Variants in DPP9 observed in about 807,000 individuals in gnomAD.
The protein encoded by DPP9 is dipeptidyl peptidase 9.
Under a neutral mutation model 110.7 loss-of-function variants are expected in DPP9, and 50 were observed. That is an observed-to-expected ratio of 0.45 (90% CI 0.36 to 0.57). The LOEUF (loss-of-function observed/expected upper bound fraction) is 0.57. Among genes scored for constraint, DPP9 ranks in the 20% least tolerant of loss-of-function variants. DPP9 has a pLI of 0.00. For synonymous variants in DPP9, 561 were observed against 514.4 expected (o/e 1.09, Z -1.23); for missense variants, 1,022 against 1,217.9 (o/e 0.84, Z 2.39).
Position 4,711,969 on chromosome 19 carries a change from G to A in DPP9, c.313+2112C>T, listed in dbSNP as rs568226778. Among the ~76,000 whole-genome samples the A allele has an allele frequency of 3.9e-5, 6 of 152,054 alleles. No individual in the cohort carries two copies. In the East Asian group the frequency reaches 7.8e-4, roughly 20 times the overall value. ...CTCCTCTGGAGCCTCCAGAGGGAGC[G>A]TGGCCCTGAGGAAACCTTGATCTTG... On this transcript the variant is annotated intron_variant, in intron 4 of 21. Transcript: ENST00000262960.
chr19:4,722,742 G>GC, intron 1 of DPP9, 191 bp from the exon 2 acceptor site: 1 of 579,898 alleles, frequency 1.7e-6, no homozygotes, highest in South Asian at 2.0e-5. Context: ...CATCCCACGG[G>GC]CCCCGATTCC....
Position 4,722,493 on chromosome 19 carries a change from A to G in DPP9, c.-36+6T>C, listed in dbSNP as rs1166792740. The stretch of plus-strand genomic sequence containing the variant: ...TTCCTGGCTGCCAAACCCCAGCACA[A>G]CTGACCTTCTAAAGGGTCCAGAGAG... On this transcript the variant is annotated splice_donor_region_variant and intron_variant, in intron 2 of 21. Transcript: ENST00000262960. 5 of 702,902 alleles carry G rather than the reference A, an allele frequency of 7.1e-6. No individual in the cohort carries two copies. The highest frequency in any genetic ancestry group is 3.5e-5 in the African/African-American group (2 of 57,242). The allele number at this position is 702,902 out of a possible 1,614,324, so 43.5% of individuals were successfully genotyped here.
chr19:4,702,332 T>A (rs2145720742), intron 8 of DPP9, among the ~76,000 whole-genome samples, 177 bp from the exon 9 acceptor site: 1 of 152,284 alleles, frequency 6.6e-6, no homozygotes, highest in South Asian at 2.1e-4. Flanking sequence ...TGGGCTTCAG[T>A]TTCCTCCCCT....
chr19:4,708,750 C>T (rs1329145482), intron 4 of DPP9, among the ~76,000 whole-genome samples: 1 of 152,100 alleles, frequency 6.6e-6, no homozygotes, highest in Non-Finnish European at 1.5e-5. Context: ...AACACATGGA[C>T]ACATAGAGCA....
intron 7 of DPP9, 21 bp from the exon 8 acceptor site, chr19:4,702,737 C>T (rs1171205088): frequency 3.4e-6 from 5 of 1,474,970 alleles, no homozygotes; most frequent in Non-Finnish European, 4.6e-6. Flanking sequence ...GGACGGAGAG[C>T]ATCAACAAGG....
chr19:4,721,592 C>T (rs1304773988), intron 2 of DPP9, among the ~76,000 whole-genome samples: 1 of 152,146 alleles, frequency 6.6e-6, no homozygotes, highest in African/African-American at 2.4e-5. Context: ...ACCAGCCTGG[C>T]CAACATGGTG....
rs1366297653 is a variant in DPP9 at position 4,718,947 on chromosome 19, T to C, written c.56+904A>G. Among the ~76,000 whole-genome samples the C allele has an allele frequency of 6.6e-6, 1 of 152,042 alleles. No individual in the cohort carries two copies. The highest frequency in any genetic ancestry group is 1.5e-5 in the Non-Finnish European group (1 of 68,014). On this transcript the variant is annotated intron_variant, in intron 3 of 21. Coordinates refer to ENST00000262960, the MANE Select transcript of DPP9 (RefSeq NM_139159.5). The surrounding 1 kb of genome is among the most constrained non-coding windows in gnomAD (Gnocchi z 4.3). ...TCATCTCGTGCCAGGCCCTGAGACATGGAGTTTACTGACTGCCCCGGGGGG... is the reference window on the plus strand; with the variant it reads ...TCATCTCGTGCCAGGCCCTGAGACACGGAGTTTACTGACTGCCCCGGGGGG...
At chr19:4,703,833 T>C in intron 7 of DPP9, 53 bp downstream of exon 7, 1 of 1,551,168 alleles carries the variant, frequency 6.4e-7, no homozygotes, top group Non-Finnish European at 8.7e-7. Context: ...GGGGCCTTTC[T>C]GGAAGCTGGC....
In DPP9 at chr19:4,718,842, T is replaced by C. The variant is rs1373783685; in HGVS notation, c.56+1009A>G. On this transcript the variant is annotated intron_variant, in intron 3 of 21. Coordinates refer to ENST00000262960, the MANE Select transcript of DPP9 (RefSeq NM_139159.5). The surrounding 1 kb of genome is among the most constrained non-coding windows in gnomAD (Gnocchi z 4.3). ...TCCCTTCCCAGCTGAGCATGCTCCA[T>C]TGAAGCAAACAAGCCTAAGAGTATT... is the stretch of plus-strand genomic sequence containing the variant. Among the ~76,000 whole-genome samples the C allele has an allele frequency of 6.6e-6, 1 of 152,154 alleles. No homozygotes were observed. Among genetic ancestry groups the C allele is most frequent in the Non-Finnish European group, 1.5e-5 (1 of 68,018 alleles).
intron 4 of DPP9, among the ~76,000 whole-genome samples, chr19:4,712,494 T>C (rs1194925814): frequency 1.3e-5 from 2 of 151,892 alleles, no homozygotes; most frequent in Non-Finnish European, 2.9e-5. Flanking sequence ...CAGGCTGCAG[T>C]GAGCTGTGAT....
intron 13 of DPP9, 57 bp from the exon 14 acceptor site, chr19:4,691,014 A>C (rs2091266756): frequency 3.5e-6 from 5 of 1,428,534 alleles, no homozygotes; most frequent in Non-Finnish European, 4.8e-6. Context: ...CAGGCGCCCA[A>C]AGGCACCCAG....
chr19:4,675,742 A>AGAT lies in DPP9; in HGVS notation c.*819_*821dup, dbSNP rs935945716. On this transcript the variant is annotated 3_prime_UTR_variant, in exon 22 of 22. Coordinates refer to ENST00000262960, the MANE Select transcript of DPP9 (RefSeq NM_139159.5). ...GCTGCCCGGTGTGGACCCCAAGTCTAGATTTAGGCACCCCTTGCTTTCTGT... is the reference window on the plus strand; with the variant it reads ...GCTGCCCGGTGTGGACCCCAAGTCTAGATGATTTAGGCACCCCTTGCTTTCTGT... 2 of 152,284 alleles carry AGAT rather than the reference A, an allele frequency of 1.3e-5. No homozygotes were observed. Among genetic ancestry groups the AGAT allele is most frequent in the African/African-American group, 4.8e-5 (2 of 41,444 alleles). The allele number at this position is 152,284 out of a possible 1,614,324, so 9.4% of individuals were successfully genotyped here.
Position 4,676,327 on chromosome 19 carries a change from G to A in DPP9, c.*237C>T. On this transcript the variant is annotated 3_prime_UTR_variant, in exon 22 of 22. Coordinates refer to ENST00000262960, the MANE Select transcript of DPP9 (RefSeq NM_139159.5). This position sits in a 1 kb window ranked among gnomAD's most constrained non-coding sequence, Gnocchi z 4.0. ...AGGCGGGGAGAGGAGGGGCTGGCCCGAGACCACCATCTCTCTGTCTCGGCA... is the reference window on the plus strand; with the variant it reads ...AGGCGGGGAGAGGAGGGGCTGGCCCAAGACCACCATCTCTCTGTCTCGGCA... The A allele has an allele frequency of 3.6e-6, 2 of 552,624 alleles. No individual in the cohort carries two copies. Among genetic ancestry groups the A allele is most frequent in the South Asian group, 2.0e-5 (1 of 49,706 alleles). 34.2% of individuals were successfully genotyped at this position (552,624 alleles called of 1,614,324 possible).
intron 4 of DPP9, among the ~76,000 whole-genome samples, chr19:4,706,874 T>G (rs2092610606): frequency 6.6e-6 from 1 of 152,066 alleles, no homozygotes; most frequent in Non-Finnish European, 1.5e-5. Context: ...CGCCCCTAAT[T>G]ACATTCGGGC....
chr19:4,689,583 C>G lies in DPP9; in HGVS notation c.1736G>C (p.Cys579Ser). Residue 579 changes from cysteine to serine, a missense_variant, in exon 15 of 22, where the codon TGC (cysteine) becomes TCC (serine). Transcript: ENST00000262960. The surrounding 1 kb of genome is among the most constrained non-coding windows in gnomAD (Gnocchi z 7.0). ...RLTTPGFSHSCSMSQNFDMFV... is the reference protein window; with the variant it reads ...RLTTPGFSHSSSMSQNFDMFV... ...GGGCGGTCCCACCTGGCTCATGGAG[C>G]AGCTATGGGAGAAGCCGGGCGTGGT... The G allele has an allele frequency of 1.3e-6, 2 of 1,564,972 alleles. No homozygotes were observed. The highest frequency in any genetic ancestry group is 1.7e-6 in the Non-Finnish European group (2 of 1,157,244).
At chr19:4,686,910 G>A (rs2145459355) in intron 16 of DPP9, among the ~76,000 whole-genome samples, 1 of 152,290 alleles carries the variant, frequency 6.6e-6, no homozygotes, top group Non-Finnish European at 1.5e-5. Context: ...GCGCTAATGT[G>A]GCCACAGACC....
intron 19 of DPP9, chr19:4,683,267 C>G (rs1376061420): frequency 7.0e-7 from 1 of 1,436,414 alleles, no homozygotes; most frequent in Non-Finnish European, 9.1e-7. Context: ...CAGCCGGATG[C>G]CATCCTGCGG....
At position 4,714,066 on chromosome 19, in the gene DPP9, C is replaced by T; in HGVS notation, c.313+15G>A. The T allele has an allele frequency of 6.2e-7, 1 of 1,600,488 alleles. No individual in the cohort carries two copies. The highest frequency in any genetic ancestry group is 8.5e-7 in the Non-Finnish European group (1 of 1,172,488). On this transcript the variant is annotated intron_variant, in intron 4 of 21. Coordinates refer to ENST00000262960, the MANE Select transcript of DPP9 (RefSeq NM_139159.5). ...ATGCTGTCCCCGCCCAAGCAGCCTG[C>T]AGGGCCCGGCTTACCCAGGTAGTAG...
chr19:4,699,901 C>T (rs1385806410), intron 10 of DPP9, among the ~76,000 whole-genome samples: 26 of 152,224 alleles, frequency 1.7e-4, no homozygotes, highest in Admixed American at 1.6e-3. Flanking sequence ...CACCCACTCC[C>T]GAGGTGGCCT....
Sources: gnomAD v4.1 joint callset for allele counts (sites outside exome capture counted in the v4.1 genomes callset) on GRCh38, gnomAD v4.1.1 for gene constraint, Gnocchi (gnomAD v3.1) non-coding constraint, MANE v1.5 for transcripts, NCBI Gene and HGNC (gene_info 2026-07-23, HGNC 2026-07-21) for gene names.